The following JARID2 variants were observed in gnomAD, a reference collection of about 807,000 sequenced individuals.
JARID2 encodes the protein protein Jumonji.
A neutral mutation model predicts 125.6 loss-of-function variants in JARID2; 21 were observed. The ratio of observed to expected loss-of-function variants is 0.17; its 90% CI spans 0.12 to 0.24. JARID2 has a LOEUF of 0.24. Among genes scored for constraint, JARID2 ranks in the 10% least tolerant of loss-of-function variants. The pLI is 1.00. For missense variants in JARID2, 1,303 were observed against 1,639.6 expected (o/e 0.79, Z 3.55); for synonymous variants, 736 against 661.6 (o/e 1.11, Z -1.73).
In JARID2 at chr6:15,283,078, T is replaced by A. The variant is rs370412939; in HGVS notation, c.45+36494T>A. On this transcript the variant is annotated intron_variant, in intron 1 of 17. Coordinates refer to ENST00000341776, the MANE Select transcript of JARID2 (RefSeq NM_004973.4). ...ACTGTAAGCTCTGCCTCCCGGGTTC[T>A]TGCCATTCTCCTGCCTCAGCCTCCC... is the stretch of plus-strand genomic sequence containing the variant. Among the ~76,000 whole-genome samples the A allele has an allele frequency of 3.5e-3, 534 of 150,780 alleles. 2 individuals carry two copies. Among genetic ancestry groups the A allele is most frequent in the Middle Eastern group, 0.014 (4 of 286 alleles).
intron 3 of JARID2, among the ~76,000 whole-genome samples, chr6:15,414,391 C>T (rs996779911): frequency 2.6e-5 from 4 of 152,184 alleles, no homozygotes; most frequent in Admixed American, 6.5e-5. Context: ...TATTTACTGC[C>T]AGTGCCTTTA....
At position 15,374,071 on chromosome 6, in the gene JARID2, C is replaced by G. The variant is rs765987038; in HGVS notation, c.46-46C>G. The G allele has an allele frequency of 3.1e-6, 5 of 1,597,230 alleles. No homozygotes were observed. In the African/African-American group the frequency reaches 4.0e-5, roughly 13 times the overall value. ...AGTTTATTTTGACTCTGAATATTGC[C>G]TTGCTTTCTATTCAGTAACTCCTCT... is the stretch of plus-strand genomic sequence containing the variant. On this transcript the variant is annotated intron_variant, in intron 1 of 17. Coordinates refer to ENST00000341776, the MANE Select transcript of JARID2 (RefSeq NM_004973.4).
chr6:15,262,226 C>T (rs1396339971), intron 1 of JARID2, among the ~76,000 whole-genome samples: 4 of 148,874 alleles, frequency 2.7e-5, no homozygotes, highest in Non-Finnish European at 4.4e-5. Context: ...TGTGTTTCCT[C>T]GGTGGGTCTT....
chr6:15,453,442 T>C (rs1037783385), intron 4 of JARID2, among the ~76,000 whole-genome samples: 3 of 152,260 alleles, frequency 2.0e-5, no homozygotes, highest in Admixed American at 1.3e-4. Context: ...TGATTCCTCC[T>C]CCTTGTTGTT....
At chr6:15,304,178 C>A (rs1409961209) in intron 1 of JARID2, among the ~76,000 whole-genome samples, 1 of 151,974 alleles carries the variant, frequency 6.6e-6, no homozygotes, top group Admixed American at 6.6e-5. Context: ...CAGCTGAGGG[C>A]GCAGGGCTCA....
intron 3 of JARID2, among the ~76,000 whole-genome samples, chr6:15,431,611 T>C (rs1766971125): frequency 6.6e-6 from 1 of 152,314 alleles, no homozygotes; most frequent in Non-Finnish European, 1.5e-5. Flanking sequence ...AAGACCAGGA[T>C]ATAATTTTAA....
At chr6:15,283,343 T>A (rs1457354408) in intron 1 of JARID2, among the ~76,000 whole-genome samples, 2 of 61,158 alleles carry the variant, frequency 3.3e-5, no homozygotes, top group Non-Finnish European at 3.0e-5. Flanking sequence ...CTTTAAGTAT[T>A]TTTTTTTTTT....
intron 5 of JARID2, among the ~76,000 whole-genome samples, chr6:15,483,317 C>G (rs1044054671): frequency 6.6e-6 from 1 of 151,580 alleles, no homozygotes; most frequent in African/African-American, 2.4e-5. Flanking sequence ...TATGTGTGCT[C>G]AGGGGCCATG....
At chr6:15,396,492 TG>T (rs1239061295) in intron 2 of JARID2, among the ~76,000 whole-genome samples, 1 of 152,224 alleles carries the variant, frequency 6.6e-6, no homozygotes, top group African/African-American at 2.4e-5. Flanking sequence ...AAAAAATTCA[TG>T]TAGAATACAG....
chr6:15,288,640 C>T (rs12192599), intron 1 of JARID2, among the ~76,000 whole-genome samples: 5,334 of 152,242 alleles, frequency 0.035, 146 homozygotes, highest in South Asian at 0.11. Flanking sequence ...CTCAGTGGCT[C>T]ACACATAGTA....
chr6:15,298,682 A>G (rs1380051260), intron 1 of JARID2, among the ~76,000 whole-genome samples: 1 of 150,534 alleles, frequency 6.6e-6, no homozygotes, highest in African/African-American at 2.4e-5. Flanking sequence ...TCCATCTCAA[A>G]AAAAAAAAAA....
chr6:15,383,974 A>T (rs1283679621), intron 2 of JARID2, among the ~76,000 whole-genome samples: 2 of 150,980 alleles, frequency 1.3e-5, no homozygotes, highest in African/African-American at 4.9e-5. Context: ...TTGTATTTTT[A>T]GTAGAGATGG....
chr6:15,438,526 A>G (rs549921143), intron 3 of JARID2, among the ~76,000 whole-genome samples: 2 of 152,296 alleles, frequency 1.3e-5, no homozygotes, highest in Admixed American at 6.5e-5. Context: ...TTTCTGACCA[A>G]TGTGGACAAA....
chr6:15,438,031 G>C (rs1767286248), intron 3 of JARID2, among the ~76,000 whole-genome samples: 1 of 152,104 alleles, frequency 6.6e-6, no homozygotes, highest in South Asian at 2.1e-4. Context: ...AATGTCTTGG[G>C]GCCTGTTCTG....
At chr6:15,464,790 A>T (rs977853023) in intron 4 of JARID2, among the ~76,000 whole-genome samples, 3 of 151,698 alleles carry the variant, frequency 2.0e-5, no homozygotes, top group African/African-American at 7.3e-5. Context: ...TTCTTTGTTG[A>T]TTCTTTACCT....
intron 11 of JARID2, among the ~76,000 whole-genome samples, chr6:15,508,022 T>A (rs1442580998): frequency 6.6e-6 from 1 of 152,232 alleles, no homozygotes; most frequent in Non-Finnish European, 1.5e-5. Context: ...GCGCCTCTGG[T>A]CCTCAGCCTT....
intron 2 of JARID2, among the ~76,000 whole-genome samples, chr6:15,407,304 A>G (rs1765690352): frequency 6.6e-6 from 1 of 152,012 alleles, no homozygotes; most frequent in Non-Finnish European, 1.5e-5. Context: ...AGAGCAGCCA[A>G]AGCAGCATTA....
At chr6:15,516,014 G>A (rs183545996) in intron 16 of JARID2, among the ~76,000 whole-genome samples, 30 of 147,500 alleles carry the variant, frequency 2.0e-4, no homozygotes, top group Admixed American at 6.8e-4. Flanking sequence ...AAAAAAACCC[G>A]TTATAAATCC....
At chr6:15,428,307 T>A (rs762605318) in intron 3 of JARID2, among the ~76,000 whole-genome samples, 4 of 152,182 alleles carry the variant, frequency 2.6e-5, no homozygotes, top group Admixed American at 6.5e-5. Flanking sequence ...CTAGGGTACA[T>A]GTGCACAATG....
Sources: allele counts gnomAD v4.1 joint callset (sites outside exome capture counted in the v4.1 genomes callset), GRCh38; gene constraint gnomAD v4.1.1; transcripts MANE v1.5; gene names NCBI Gene and HGNC (gene_info 2026-07-23, HGNC 2026-07-21).